Variants in CDKN2B-AS1 observed in about 807,000 individuals in gnomAD.
CDKN2B-AS1 encodes the protein CDKN2B and CDKN2A antisense cis and trans regulatory RNA 1, also known as CDKN2B antisense RNA 1 (non-protein coding).
intron 4 of CDKN2B-AS1, among the ~76,000 whole-genome samples, chr9:22,122,864 G>T (rs967086759): frequency 6.6e-6 from 1 of 152,036 alleles, no homozygotes; most frequent in Non-Finnish European, 1.5e-5. Context: ...GCTTAGGATT[G>T]CTTTGGCTGT....
At chr9:22,042,745 A>G (rs1156253731) in intron 1 of CDKN2B-AS1, among the ~76,000 whole-genome samples, 2 of 152,154 alleles carry the variant, frequency 1.3e-5, no homozygotes, top group Non-Finnish European at 2.9e-5. Context: ...ATTATGTTAA[A>G]GAAAGCAAAA....
rs984162550 is a variant in CDKN2B-AS1, at chr9:22,125,016, C to T, written n.439-2087C>T. 2.0e-5 allele frequency among the ~76,000 whole-genome samples: 3 copies of T among 152,244 alleles called. No individual in the cohort carries two copies. The East Asian group carries it at 5.8e-4, about 29-fold the overall frequency. ...AGACCTAGTTTCTCTCTCAGTCTCT[C>T]TCTATGTTTCTCTCTCACATGTACG... On this transcript the variant is annotated intron_variant and non_coding_transcript_variant, in intron 4 of 4. Transcript: ENST00000650946.
At chr9:22,081,510 C>G (rs1465640090) in intron 4 of CDKN2B-AS1, among the ~76,000 whole-genome samples, 1 of 152,186 alleles carries the variant, frequency 6.6e-6, no homozygotes, top group Non-Finnish European at 1.5e-5. Context: ...ACTCCAGAGA[C>G]TTGGCCCTGC....
chr9:22,012,577 C>T (rs1563920508), intron 1 of CDKN2B-AS1: 5 of 505,228 alleles, frequency 9.9e-6, no homozygotes, highest in Non-Finnish European at 1.9e-5. Context: ...CTGCCCAGGC[C>T]CCATGGCCCT....
intron 1 of CDKN2B-AS1, among the ~76,000 whole-genome samples, chr9:22,025,789 C>A (rs554900252): frequency 7.2e-5 from 11 of 152,168 alleles, no homozygotes; most frequent in Non-Finnish European, 1.5e-4. Context: ...GAGACCTCAC[C>A]CAGCCAGGAG....
chr9:22,055,381 G>A (rs1456918099), intron 3 of CDKN2B-AS1, among the ~76,000 whole-genome samples: 2 of 152,098 alleles, frequency 1.3e-5, no homozygotes, highest in East Asian at 3.9e-4. Context: ...TAGGTTCAGG[G>A]ATAACAAAAG....
chr9:22,062,535 C>A (rs1823864282), intron 4 of CDKN2B-AS1, among the ~76,000 whole-genome samples: 1 of 152,170 alleles, frequency 6.6e-6, no homozygotes, highest in Admixed American at 6.5e-5. Flanking sequence ...TGTGACTTGG[C>A]AGCCCTTAAT....
chr9:22,022,866 A>T (rs1433818104), intron 1 of CDKN2B-AS1, among the ~76,000 whole-genome samples: 2 of 152,208 alleles, frequency 1.3e-5, no homozygotes, highest in East Asian at 3.9e-4. Flanking sequence ...AAAGGATCTT[A>T]TTTTTCCTTC....
rs1193933031 is a variant in CDKN2B-AS1, at chr9:22,045,134, A to G, written n.30-1617A>G. On this transcript the variant is annotated intron_variant and non_coding_transcript_variant, in intron 1 of 4. Coordinates refer to ENST00000650946, the Ensembl canonical transcript of CDKN2B-AS1. ...GGATTTGATTTTATAAACAGAAGCA[A>G]TAGGATTAAGAGGATAAAGGAAAAA... Among the ~76,000 whole-genome samples the G allele has an allele frequency of 4.0e-5, 6 of 151,470 alleles. No homozygotes were observed. The Admixed American group carries it at 4.0e-4, about 10-fold the overall frequency.
chr9:22,122,364 G>T (rs1396749335), intron 4 of CDKN2B-AS1, among the ~76,000 whole-genome samples: 3 of 152,058 alleles, frequency 2.0e-5, no homozygotes, highest in African/African-American at 7.2e-5. Flanking sequence ...TCACTCTGTT[G>T]ATTACTTCCT....
intron 4 of CDKN2B-AS1, among the ~76,000 whole-genome samples, chr9:22,069,185 T>C (rs990589545): frequency 6.6e-6 from 1 of 152,160 alleles, no homozygotes; most frequent in African/African-American, 2.4e-5. Flanking sequence ...TGGGCCCCTG[T>C]CTTGCAGCTC....
chr9:22,008,919 C>A (rs747263748), intron 1 of CDKN2B-AS1: 1 of 1,612,922 alleles, frequency 6.2e-7, no homozygotes, highest in Non-Finnish European at 8.5e-7. Flanking sequence ...ATCGCTGCCG[C>A]CCCCACTGGG....
At chr9:22,046,674 G>A (rs1352953315) in intron 1 of CDKN2B-AS1, 1 of 152,108 alleles carries the variant, frequency 6.6e-6, no homozygotes, top group Admixed American at 6.6e-5. Flanking sequence ...GAGGGATTAG[G>A]AAATATCTGC....
intron 1 of CDKN2B-AS1, among the ~76,000 whole-genome samples, chr9:22,010,692 G>C (rs192264397): frequency 2.0e-5 from 3 of 152,134 alleles, no homozygotes; most frequent in East Asian, 1.9e-4. Flanking sequence ...GAAGGGAACC[G>C]GGTAGCATTA....
chr9:22,017,225 G>A (rs765250669), intron 1 of CDKN2B-AS1, among the ~76,000 whole-genome samples: 2 of 152,176 alleles, frequency 1.3e-5, no homozygotes, highest in Admixed American at 6.5e-5. Context: ...AGGAGTTCGA[G>A]ACCAGCCTGG....
intron 4 of CDKN2B-AS1, among the ~76,000 whole-genome samples, chr9:22,105,882 T>TA (rs1161822859): frequency 2.0e-5 from 3 of 152,242 alleles, no homozygotes; most frequent in Non-Finnish European, 4.4e-5. Context: ...CTAACTGGGT[T>TA]ACTTTGGTTA....
chr9:22,100,458 G>A (rs556416360), intron 4 of CDKN2B-AS1, among the ~76,000 whole-genome samples: 1 of 152,044 alleles, frequency 6.6e-6, no homozygotes, highest in African/African-American at 2.4e-5. Context: ...ATGTTTTCTG[G>A]TTTATAAATG....
chr9:22,104,997 C>A (rs1389300119), intron 4 of CDKN2B-AS1, among the ~76,000 whole-genome samples: 7 of 152,170 alleles, frequency 4.6e-5, no homozygotes, highest in Non-Finnish European at 8.8e-5. Context: ...GGTTAAGTCT[C>A]ACAGCCTGGA....
chr9:22,032,173 G>C (rs567810531), intron 1 of CDKN2B-AS1, among the ~76,000 whole-genome samples: 7 of 152,256 alleles, frequency 4.6e-5, no homozygotes, highest in East Asian at 1.9e-4. Flanking sequence ...ATGGTCATTT[G>C]TGATTCAGCT....
Sources: gnomAD v4.1 joint callset for allele counts (sites outside exome capture counted in the v4.1 genomes callset) on GRCh38, gnomAD v4.1.1 for gene constraint, MANE v1.5 for transcripts, NCBI Gene and HGNC (gene_info 2026-07-23, HGNC 2026-07-21) for gene names.